GALNT15: variants seen among roughly 807,000 people sequenced by gnomAD.
GALNT15 encodes the protein UDP-GalNAc transferase T15.
Under a neutral mutation model 66.8 loss-of-function variants are expected in GALNT15, and 67 were observed. That is an observed-to-expected ratio of 1.00 (90% CI 0.82 to 1.23). GALNT15 has a LOEUF of 1.23. GALNT15 is among the 50% of genes most tolerant of loss of function. The pLI, the probability that GALNT15 is intolerant of heterozygous loss-of-function variation, is 0.00. For synonymous variants in GALNT15, 313 were observed against 311.5 expected (o/e 1.00, Z -0.05); for missense variants, 827 against 804.3 (o/e 1.03, Z -0.34).
the GALNT15 span, among the ~76,000 whole-genome samples, chr3:16,241,673 C>T: frequency 6.6e-6 from 1 of 152,138 alleles, no homozygotes; most frequent in Non-Finnish European, 1.5e-5. The surrounding 1 kb of genome is among the most constrained non-coding windows in gnomAD (Gnocchi z 4.6). Context: ...CTCAGCCTCC[C>T]AAGTAGCTAG....
chr3:16,220,169 C>G, intron 8 of GALNT15, 155 bp downstream of exon 8: 1 of 649,508 alleles, frequency 1.5e-6, no homozygotes, highest in East Asian at 2.7e-5. Context: ...AATGACTCAT[C>G]ACAGCTCTCC....
rs142412711 is a variant in GALNT15, at chr3:16,175,673, C to T, written c.522C>T (p.Pro174=). 246 of 1,596,844 alleles carry T rather than the reference C, an allele frequency of 1.5e-4. No homozygotes were observed. Among genetic ancestry groups the T allele is most frequent in the African/African-American group, 1.1e-3 (81 of 74,618 alleles). ...GCATCCCCCTCCAGAGGGCTCTGCC[C>T]GAGGTGCGGCACCCACTGTAAGTAA... ...SARIPLQRAL[P]EVRHPLCLQQ... Residue 174 remains proline, a synonymous_variant, in exon 1 of 10, where the codon CCC becomes CCT. Coordinates refer to ENST00000339732, the MANE Select transcript of GALNT15 (RefSeq NM_054110.5). The surrounding 1 kb of genome is among the most constrained non-coding windows in gnomAD (Gnocchi z 5.6).
intron 4 of GALNT15, among the ~76,000 whole-genome samples, chr3:16,210,275 G>T (rs980852080): frequency 6.6e-6 from 1 of 152,240 alleles, no homozygotes; most frequent in Non-Finnish European, 1.5e-5. Flanking sequence ...CAAATTGGGA[G>T]TGGCAGAGTT....
In GALNT15 at chr3:16,229,653, T is replaced by A. The variant is rs925413201; in HGVS notation, c.*2153T>A. The A allele has an allele frequency of 1.0e-6, 1 of 985,010 alleles. No homozygotes were observed. The highest frequency in any genetic ancestry group is 6.2e-5 in the Admixed American group (1 of 16,260). The allele number at this position is 985,010 out of a possible 1,614,324, so 61.0% of individuals were successfully genotyped here. On this transcript the variant is annotated 3_prime_UTR_variant, in exon 10 of 10. Transcript: ENST00000339732. ...AAGAAAAAAAATTTTTCAAGACCTC[T>A]GTTTTTTAACTGAACTTTATCATTG...
In GALNT15 at chr3:16,203,543, T is replaced by TCTCACA. The variant is rs1491187404; in HGVS notation, c.911+2721_911+2722insTCACAC. ...CATTCTCTCTCTCTCTCTCTCTCTCTCACACACACACACACACACACACAC... is the reference window on the plus strand; with the variant it reads ...CATTCTCTCTCTCTCTCTCTCTCTCTCTCACACACACACACACACACACACACACAC... On this transcript the variant is annotated intron_variant, in intron 3 of 9. Coordinates refer to ENST00000339732, the MANE Select transcript of GALNT15 (RefSeq NM_054110.5). The surrounding 1 kb of genome is among the most constrained non-coding windows in gnomAD (Gnocchi z 6.2). 0.058 allele frequency among the ~76,000 whole-genome samples: 3,508 copies of TCTCACA among 60,762 alleles called. 73 individuals carry two copies. The highest frequency in any genetic ancestry group is 0.13 in the South Asian group (198 of 1,498). 39.9% of individuals were successfully genotyped at this position (60,762 alleles called of 152,430 possible).
At chr3:16,208,815 G>A (rs1211049881) in intron 4 of GALNT15, 145 bp downstream of exon 4, 1 of 734,264 alleles carries the variant, frequency 1.4e-6, no homozygotes, top group Non-Finnish European at 2.2e-6. Context: ...TAAATTGAGA[G>A]CAATCATAGT....
At position 16,200,072 on chromosome 3, in the gene GALNT15, T is replaced by C. The variant is rs12491835; in HGVS notation, c.707-547T>C. ...GGAGGCCTCAGGAAACTTACAATCA[T>C]GGTGGAAGGGGAAGCATGTCTTACA... On this transcript the variant is annotated intron_variant, in intron 2 of 9. Coordinates refer to ENST00000339732, the MANE Select transcript of GALNT15 (RefSeq NM_054110.5). This position sits in a 1 kb window ranked among gnomAD's most constrained non-coding sequence, Gnocchi z 4.4. 0.27 allele frequency among the ~76,000 whole-genome samples: 41,255 copies of C among 151,866 alleles called. 5,765 individuals carry two copies. Among genetic ancestry groups the C allele is most frequent in the South Asian group, 0.35 (1,651 of 4,784 alleles).
downstream of GALNT15, among the ~76,000 whole-genome samples, chr3:16,230,720 G>A (rs562195758): frequency 6.6e-6 from 1 of 152,296 alleles, no homozygotes; most frequent in South Asian, 2.1e-4. This position sits in a 1 kb window ranked among gnomAD's most constrained non-coding sequence, Gnocchi z 4.5. Context: ...TTCTTTCGAA[G>A]TTCTTTTAAA....
chr3:16,178,574 C>T (rs561515119), intron 1 of GALNT15, among the ~76,000 whole-genome samples: 1 of 152,256 alleles, frequency 6.6e-6, no homozygotes, highest in Admixed American at 6.5e-5. Flanking sequence ...CTGCAGACTC[C>T]CCTCTCCAGT....
intron 1 of GALNT15, among the ~76,000 whole-genome samples, chr3:16,194,271 A>G (rs906997099): frequency 6.6e-6 from 1 of 152,172 alleles, no homozygotes; most frequent in Non-Finnish European, 1.5e-5. Flanking sequence ...TGTTGTTGGC[A>G]CTCACAGACA....
chr3:16,201,790 C>G (rs2124871891), intron 3 of GALNT15, among the ~76,000 whole-genome samples: 1 of 152,312 alleles, frequency 6.6e-6, no homozygotes, highest in East Asian at 1.9e-4. Context: ...CTTCCTTGCT[C>G]AAGACAAACA....
intron 6 of GALNT15, among the ~76,000 whole-genome samples, chr3:16,215,549 C>T (rs747003805): frequency 7.2e-5 from 11 of 152,240 alleles, no homozygotes; most frequent in African/African-American, 1.2e-4. Flanking sequence ...AATAGTTGGA[C>T]GTCCATAAAT....
the GALNT15 span, among the ~76,000 whole-genome samples, chr3:16,237,685 T>C: frequency 2.0e-5 from 3 of 152,204 alleles, no homozygotes; most frequent in Non-Finnish European, 4.4e-5. The surrounding 1 kb of genome is among the most constrained non-coding windows in gnomAD (Gnocchi z 4.2). Context: ...GTGGGTCATA[T>C]GTAAAGGAAT....
At chr3:16,178,286 G>A (rs879663999) in intron 1 of GALNT15, among the ~76,000 whole-genome samples, 1 of 152,158 alleles carries the variant, frequency 6.6e-6, no homozygotes, top group Non-Finnish European at 1.5e-5. Context: ...TGATGTGCAC[G>A]TGTGCGTTTA....
chr3:16,192,018 G>A (rs1376140796), intron 1 of GALNT15, among the ~76,000 whole-genome samples: 1 of 152,132 alleles, frequency 6.6e-6, no homozygotes, highest in Non-Finnish European at 1.5e-5. Flanking sequence ...TTCTCTCAAT[G>A]GGCCTAAAGG....
chr3:16,205,375 C>G (rs955773), intron 3 of GALNT15, among the ~76,000 whole-genome samples: 1 of 152,182 alleles, frequency 6.6e-6, no homozygotes, highest in Non-Finnish European at 1.5e-5. Flanking sequence ...ACAGTTAGCT[C>G]TTGAATATCT....
chr3:16,242,840 G>A, the GALNT15 span, among the ~76,000 whole-genome samples: 1 of 152,086 alleles, frequency 6.6e-6, no homozygotes, highest in Non-Finnish European at 1.5e-5. This position sits in a 1 kb window ranked among gnomAD's most constrained non-coding sequence, Gnocchi z 5.6. Flanking sequence ...GGATTGCTGG[G>A]TAGGTGTCTT....
chr3:16,240,147 G>A, the GALNT15 span, among the ~76,000 whole-genome samples: 2 of 152,230 alleles, frequency 1.3e-5, no homozygotes, highest in Non-Finnish European at 2.9e-5. Context: ...AATTTCACTG[G>A]CTGTGCTTTA....
chr3:16,241,740 GT>G, the GALNT15 span, among the ~76,000 whole-genome samples: 1 of 152,094 alleles, frequency 6.6e-6, no homozygotes, highest in Admixed American at 6.5e-5. This position sits in a 1 kb window ranked among gnomAD's most constrained non-coding sequence, Gnocchi z 4.6. Context: ...TAGACATGGG[GT>G]TTCACCTTGT....
Sources: allele counts gnomAD v4.1 joint callset (sites outside exome capture counted in the v4.1 genomes callset), GRCh38; gene constraint gnomAD v4.1.1; non-coding constraint Gnocchi (gnomAD v3.1); transcripts MANE v1.5; gene names NCBI Gene and HGNC (gene_info 2026-07-23, HGNC 2026-07-21).